ARB2A: variants seen among roughly 807,000 people sequenced by gnomAD.
The protein encoded by ARB2A is cotranscriptional regulator ARB2A.
At chr5:93,823,446 A>C in the ARB2A span, among the ~76,000 whole-genome samples, 1 of 152,194 alleles carries the variant, frequency 6.6e-6, no homozygotes, top group Non-Finnish European at 1.5e-5. Context: ...TTTAATACTA[A>C]TTATATAAAA....
At chr5:93,905,030 G>A in the ARB2A span, among the ~76,000 whole-genome samples, 8 of 151,660 alleles carry the variant, frequency 5.3e-5, no homozygotes, top group African/African-American at 1.9e-4. Context: ...TTAATTTCAT[G>A]CCATTTTGCA....
At chr5:93,865,332 C>A in the ARB2A span, 3 of 889,738 alleles carry the variant, frequency 3.4e-6, no homozygotes, top group Non-Finnish European at 4.0e-6. Flanking sequence ...CCGCCCGCCT[C>A]GGCCTCCCAA....
the ARB2A span, among the ~76,000 whole-genome samples, chr5:94,056,534 A>G: frequency 2.6e-5 from 4 of 152,220 alleles, no homozygotes; most frequent in Admixed American, 6.5e-5. Flanking sequence ...CCTATAAAAT[A>G]CAATAGATTT....
chr5:93,961,143 C>A, the ARB2A span, among the ~76,000 whole-genome samples: 2 of 152,040 alleles, frequency 1.3e-5, no homozygotes, highest in Non-Finnish European at 2.9e-5. Flanking sequence ...ACTCAATTAC[C>A]AAACACTATG....
the ARB2A span, among the ~76,000 whole-genome samples, chr5:93,623,946 A>G: frequency 6.6e-6 from 1 of 152,172 alleles, no homozygotes; most frequent in Non-Finnish European, 1.5e-5. Context: ...GCATATATAC[A>G]TTTCAAGAAT....
the ARB2A span, among the ~76,000 whole-genome samples, chr5:93,914,358 G>A: frequency 6.6e-6 from 1 of 151,878 alleles, no homozygotes; most frequent in African/African-American, 2.4e-5. Flanking sequence ...TGTTTATAAA[G>A]TTTAACAATG....
chr5:94,104,397 G>C, the ARB2A span, among the ~76,000 whole-genome samples: 4 of 149,182 alleles, frequency 2.7e-5, no homozygotes, highest in Non-Finnish European at 4.5e-5. Context: ...ACACAAACTA[G>C]AAATCTTAGA....
At chr5:93,909,490 T>G in the ARB2A span, among the ~76,000 whole-genome samples, 1 of 151,142 alleles carries the variant, frequency 6.6e-6, no homozygotes, top group East Asian at 1.9e-4. Flanking sequence ...AGCATTAAAC[T>G]CATGTTCCCT....
chr5:93,730,197 T>C, the ARB2A span, among the ~76,000 whole-genome samples: 1 of 152,172 alleles, frequency 6.6e-6, no homozygotes. Context: ...TGTTAGTATT[T>C]TACTTAAAAT....
At chr5:93,771,180 A>AG in the ARB2A span, among the ~76,000 whole-genome samples, 1 of 151,706 alleles carries the variant, frequency 6.6e-6, no homozygotes, top group Non-Finnish European at 1.5e-5. Flanking sequence ...TCTTTGACAA[A>AG]CCTGAGAAAA....
chr5:94,024,655 G>T, the ARB2A span, among the ~76,000 whole-genome samples: 196 of 152,066 alleles, frequency 1.3e-3, no homozygotes, highest in Non-Finnish European at 2.0e-3. Flanking sequence ...AAGAATAAAA[G>T]AATTATTTTA....
the ARB2A span, among the ~76,000 whole-genome samples, chr5:93,646,720 C>G: frequency 6.6e-6 from 1 of 151,834 alleles, no homozygotes; most frequent in African/African-American, 2.4e-5. Context: ...AGTGATACAT[C>G]ATGTATAGTG....
At chr5:93,789,714 T>G in the ARB2A span, among the ~76,000 whole-genome samples, 1 of 152,302 alleles carries the variant, frequency 6.6e-6, no homozygotes, top group South Asian at 2.1e-4. Context: ...CAACTCTGGG[T>G]TTGGCAGTCT....
chr5:93,619,186 T>A, the ARB2A span: 1 of 152,228 alleles, frequency 6.6e-6, no homozygotes, highest in Non-Finnish European at 1.5e-5. Flanking sequence ...AATGATTGGA[T>A]AAAAAGGGTC....
the ARB2A span, among the ~76,000 whole-genome samples, chr5:93,655,532 G>A: frequency 1.3e-5 from 2 of 151,874 alleles, no homozygotes; most frequent in Non-Finnish European, 2.9e-5. Flanking sequence ...TTTTCCTCTG[G>A]TGCCCAGCAT....
chr5:93,952,263 T>C, the ARB2A span, among the ~76,000 whole-genome samples: 2 of 152,250 alleles, frequency 1.3e-5, no homozygotes, highest in Non-Finnish European at 2.9e-5. Context: ...ACACTGACAG[T>C]AGCCAGAGCT....
chr5:93,774,641 T>A, the ARB2A span, among the ~76,000 whole-genome samples: 1 of 152,198 alleles, frequency 6.6e-6, no homozygotes, highest in African/African-American at 2.4e-5. Context: ...TTTCACTGTT[T>A]ACAATAGCCC....
At chr5:93,722,965 T>C in the ARB2A span, among the ~76,000 whole-genome samples, 1 of 152,150 alleles carries the variant, frequency 6.6e-6, no homozygotes, top group Admixed American at 6.6e-5. Flanking sequence ...TGCAGTAAAA[T>C]GACAATTTCA....
At chr5:93,699,296 T>C in the ARB2A span, among the ~76,000 whole-genome samples, 1 of 152,218 alleles carries the variant, frequency 6.6e-6, no homozygotes, top group African/African-American at 2.4e-5. Flanking sequence ...CTCTAGGTAT[T>C]TTCTAGCTGC....
Sources: allele counts gnomAD v4.1 joint callset (sites outside exome capture counted in the v4.1 genomes callset), GRCh38; gene constraint gnomAD v4.1.1; transcripts MANE v1.5; gene names NCBI Gene and HGNC (gene_info 2026-07-23, HGNC 2026-07-21).